SCIMP: variants seen among roughly 807,000 people sequenced by gnomAD.
SCIMP encodes the protein SLP adaptor and CSK interacting membrane protein.
In SCIMP, 18 loss-of-function variants were observed where a neutral mutation model predicts 22.0. That is an observed-to-expected ratio of 0.82 (90% CI 0.56 to 1.21). The LOEUF (loss-of-function observed/expected upper bound fraction) is 1.21, where lower values mean the gene tolerates loss of function less well. Ranked by LOEUF, SCIMP falls within the 50% of genes most tolerant of loss-of-function variation. The probability of loss-of-function intolerance (pLI) is 0.00; values close to 1 mark genes in which losing one functional copy is unlikely to be tolerated. For missense variants in SCIMP, 155 were observed against 171.2 expected (o/e 0.91, Z 0.53); for synonymous variants, 53 against 62.2 (o/e 0.85, Z 0.70).
intron 1 of SCIMP, among the ~76,000 whole-genome samples, chr17:5,232,991 C>T (rs868492086): frequency 2.0e-5 from 3 of 152,082 alleles, no homozygotes; most frequent in Non-Finnish European, 2.9e-5. Context: ...GGATTACAGG[C>T]GTGAGCCACT....
At chr17:5,219,041 C>T (rs962057902) in intron 3 of SCIMP, among the ~76,000 whole-genome samples, 3 of 151,904 alleles carry the variant, frequency 2.0e-5, no homozygotes, top group Non-Finnish European at 4.4e-5. Context: ...TGTCTCCGGC[C>T]GGGCGTGGTG....
intron 3 of SCIMP, among the ~76,000 whole-genome samples, chr17:5,218,278 G>A (rs1479037187): frequency 7.1e-3 from 1 of 140 alleles, no homozygotes; most frequent in East Asian, 0.25. Flanking sequence ...CTCCCACTTG[G>A]GCCTCCCAAG....
intron 1 of SCIMP, among the ~76,000 whole-genome samples, chr17:5,232,518 G>A (rs964313474): frequency 1.4e-5 from 2 of 143,982 alleles, no homozygotes; most frequent in African/African-American, 5.6e-5. Context: ...GTCCACAGAA[G>A]TCCTGGGGAG....
At chr17:5,234,271 CAAAAT>C (rs943594421) in intron 1 of SCIMP, among the ~76,000 whole-genome samples, 7 of 152,212 alleles carry the variant, frequency 4.6e-5, no homozygotes, top group Middle Eastern at 3.4e-3. Flanking sequence ...AACTCCATCT[CAAAAT>C]AAAATAAAAA....
At position 5,210,945 on chromosome 17, in the gene SCIMP, T is replaced by C; in HGVS notation, c.294A>G (p.Glu98=). Reference sequence around the variant, plus strand: ...ATGTAGCGGGCGGCTGACTTGGGGCTTCCTGTGGGGCTAGAATACACAAAA... The same window carrying C: ...ATGTAGCGGGCGGCTGACTTGGGGCCTCCTGTGGGGCTAGAATACACAAAA... ...WPSLEDSSPQ[E]APSQPPATYS... Residue 98 remains glutamate, a synonymous_variant, in exon 5 of 5, where the codon GAA becomes GAG. Transcript: ENST00000574081. The C allele has an allele frequency of 6.2e-7, 1 of 1,611,044 alleles. No individual in the cohort carries two copies. Among genetic ancestry groups the C allele is most frequent in the Non-Finnish European group, 8.5e-7 (1 of 1,179,256 alleles).
intron 1 of SCIMP, among the ~76,000 whole-genome samples, chr17:5,227,292 A>AACACACAC (rs10681110): frequency 0.15 from 21,838 of 144,102 alleles, 1,936 homozygotes; most frequent in South Asian, 0.38. Context: ...ACACACACAC[A>AACACACAC]ACACACACAC....
chr17:5,223,454 A>C lies in SCIMP; in HGVS notation c.24T>G (p.Asp8Glu). 1 of 1,613,672 alleles carries C rather than the reference A, an allele frequency of 6.2e-7. No homozygotes were observed. The highest frequency in any genetic ancestry group is 8.5e-7 in the Non-Finnish European group (1 of 1,179,628). ...TCCTCCACCAGCTCATTGCAGTGGA[A>C]TCCTGAGAAGAATGGAGAGAGAAGA... Reference protein sequence around the residue: MDTFTVQDSTAMSWWRNN... With the variant: MDTFTVQESTAMSWWRNN... Residue 8 changes from aspartate (D) to glutamate (E), a missense_variant and splice_region_variant, in exon 2 of 5, where the codon GAT (aspartate) becomes GAG (glutamate). By Grantham distance (45) the Asp-to-Glu change is conservative. Transcript: ENST00000574081.
intron 1 of SCIMP, among the ~76,000 whole-genome samples, chr17:5,234,207 G>A (rs2074726043): frequency 6.6e-6 from 1 of 152,070 alleles, no homozygotes; most frequent in South Asian, 2.1e-4. Context: ...GGAGGCGGTG[G>A]TTGCAGTGAG....
intron 4 of SCIMP, 87 bp downstream of exon 4, chr17:5,214,838 T>TA (rs34085108): frequency 0.025 from 11,185 of 451,064 alleles, 166 homozygotes; most frequent in East Asian, 0.046. Context: ...AGACTCCATC[T>TA]AAAAAAAAAA....
chr17:5,214,445 AC>A (rs1464886798), intron 4 of SCIMP: 3 of 153,844 alleles, frequency 2.0e-5, no homozygotes, highest in African/African-American at 7.2e-5. Context: ...AGTCCCAGCT[AC>A]TCAGGAGGCT....
chr17:5,222,469 GA>G (rs1234444950), intron 2 of SCIMP, among the ~76,000 whole-genome samples: 1 of 152,126 alleles, frequency 6.6e-6, no homozygotes, highest in Non-Finnish European at 1.5e-5. Flanking sequence ...AGATGAACAG[GA>G]AAGTGGAAAC....
rs376195794 is a variant in SCIMP, at chr17:5,214,948, T to A, written c.260A>T (p.Asn87Ile). 7 of 1,606,502 alleles carry A rather than the reference T, an allele frequency of 4.4e-6. No individual in the cohort carries two copies. The highest frequency in any genetic ancestry group is 6.0e-6 in the Non-Finnish European group (7 of 1,173,832). ...ACAAGAGTCTTCTAGAGAAGGCCAATTCCTCGGTGGCAGAGGCGGTAATTG... is the reference window on the plus strand; with the variant it reads ...ACAAGAGTCTTCTAGAGAAGGCCAAATCCTCGGTGGCAGAGGCGGTAATTG... ...PVQLPPLPPR[N>I]WPSLEDSSPQ... The change falls in exon 4 of 5, where the codon AAT becomes ATT. Residue 87 changes from asparagine (N) to isoleucine (I), a missense_variant. Coordinates refer to ENST00000574081, the MANE Select transcript of SCIMP (RefSeq NM_207103.3).
intron 1 of SCIMP, among the ~76,000 whole-genome samples, chr17:5,233,153 T>G (rs1472769570): frequency 6.6e-6 from 1 of 152,144 alleles, no homozygotes; most frequent in Non-Finnish European, 1.5e-5. Context: ...TTCTCTATAC[T>G]TTCACTTCTG....
intron 1 of SCIMP, among the ~76,000 whole-genome samples, chr17:5,230,012 T>C (rs2074682122): frequency 6.6e-6 from 1 of 151,854 alleles, no homozygotes; most frequent in African/African-American, 2.4e-5. Flanking sequence ...AAAAAAATGT[T>C]GTAGACACAC....
At chr17:5,232,163 GATGGGCT>G (rs1466023496) in intron 1 of SCIMP, among the ~76,000 whole-genome samples, 1 of 152,268 alleles carries the variant, frequency 6.6e-6, no homozygotes, top group African/African-American at 2.4e-5. Context: ...AATGCTCAGG[GATGGGCT>G]GGCAAAGACA....
chr17:5,217,379 CTTGTGTGT>C (rs1432435789), intron 3 of SCIMP, among the ~76,000 whole-genome samples: 10 of 101,868 alleles, frequency 9.8e-5, no homozygotes, highest in African/African-American at 4.4e-4. Context: ...TTTTTGTTTG[CTTGTGTGT>C]GTGTGTGTGT....
chr17:5,231,590 G>A (rs1465482272), intron 1 of SCIMP, among the ~76,000 whole-genome samples: 2 of 152,074 alleles, frequency 1.3e-5, no homozygotes, highest in African/African-American at 4.8e-5. Context: ...GGCTTGCACA[G>A]ATTGCCGATG....
Position 5,223,522 on chromosome 17 carries a change from G to A in SCIMP, c.22-66C>T, listed in dbSNP as rs892315157. 5 of 1,522,338 alleles carry A rather than the reference G, an allele frequency of 3.3e-6. No individual in the cohort carries two copies. The Admixed American group carries it at 5.1e-5, about 16-fold the overall frequency. The allele number at this position is 1,522,338 out of a possible 1,614,324, so 94.3% of individuals were successfully genotyped here. On this transcript the variant is annotated intron_variant, in intron 1 of 4. Transcript: ENST00000574081. ...GATATCCTGGGGTTGGGTGGAGTGG[G>A]GCAGTTATCTACTGTGGGTTGTTTT...
rs761609153 is a variant in SCIMP at position 5,215,011 on chromosome 17, A to G, written c.210-13T>C. The G allele has an allele frequency of 6.4e-7, 1 of 1,573,446 alleles. No individual in the cohort carries two copies. The highest frequency in any genetic ancestry group is 1.1e-5 in the South Asian group (1 of 90,044). ...ATTAAGAACATTCCTAGAGAGAGAG[A>G]AAGAGAGAGAATCAGTGTTTGGTTT... is the stretch of plus-strand genomic sequence containing the variant. On this transcript the variant is annotated splice_polypyrimidine_tract_variant and intron_variant, in intron 3 of 4. Coordinates refer to ENST00000574081, the MANE Select transcript of SCIMP (RefSeq NM_207103.3).
Sources: gnomAD v4.1 joint callset for allele counts (sites outside exome capture counted in the v4.1 genomes callset) on GRCh38, gnomAD v4.1.1 for gene constraint, MANE v1.5 for transcripts, NCBI Gene and HGNC (gene_info 2026-07-23, HGNC 2026-07-21) for gene names.